The following WNK2 variants were observed in gnomAD, a reference collection of about 807,000 sequenced individuals.
The protein encoded by WNK2 is WNK lysine deficient protein kinase 2, also known as serine/threonine-protein kinase WNK2.
Under a neutral mutation model 192.1 loss-of-function variants are expected in WNK2, and 67 were observed. The ratio of observed to expected loss-of-function variants is 0.35; its 90% CI spans 0.29 to 0.43. WNK2 has a LOEUF of 0.43. Ranked by LOEUF, WNK2 falls within the 20% of genes least tolerant of loss-of-function variation. The probability of loss-of-function intolerance (pLI) is 1.00; values close to 1 mark genes in which losing one functional copy is unlikely to be tolerated. For synonymous variants in WNK2, 1,439 were observed against 1,393.9 expected, an observed-to-expected ratio of 1.03 and a Z score of -0.72; for missense variants, 2,698 against 3,089.7, an observed-to-expected ratio of 0.87 and a Z score of 3.01.
intron 16 of WNK2, among the ~76,000 whole-genome samples, chr9:93,266,071 A>G (rs186543171): frequency 6.6e-6 from 1 of 152,320 alleles, no homozygotes; most frequent in East Asian, 1.9e-4. Flanking sequence ...AATTTGGTCC[A>G]TAAAAACAGC....
intron 21 of WNK2, among the ~76,000 whole-genome samples, chr9:93,290,718 G>C (rs868251115): frequency 5.3e-5 from 8 of 152,352 alleles, no homozygotes; most frequent in South Asian, 4.2e-4. Context: ...AGTGCGGTGG[G>C]GGGGGCGCTG....
At chr9:93,294,396 A>G (rs1433525643) in intron 23 of WNK2, among the ~76,000 whole-genome samples, 1 of 152,220 alleles carries the variant, frequency 6.6e-6, no homozygotes, top group East Asian at 1.9e-4. Flanking sequence ...CATTGGCCAC[A>G]TGGCCCAACA....
chr9:93,296,716 T>C (rs1381546065), intron 23 of WNK2, among the ~76,000 whole-genome samples: 6 of 28,932 alleles, frequency 2.1e-4, no homozygotes, highest in Non-Finnish European at 3.2e-4. Flanking sequence ...CCTTCCTCCC[T>C]CTCTATCCTC....
At position 93,293,011 on chromosome 9, in the gene WNK2, G is replaced by A. The variant is rs760385070; in HGVS notation, c.5546G>A (p.Arg1849Gln). Residue 1849 changes from arginine to glutamine, a missense_variant, in exon 23 of 30, where the codon CGG becomes CAG. Arg to Gln is a conservative substitution (Grantham distance 43). Around this residue, in one of 7 missense-constraint regions of WNK2, gnomAD observed 1,098 missense variants for 1,101.0 expected, o/e 1.00. Transcript: ENST00000427277. ...KATAFLQRPS[R>Q]AGSLGPETPS... ...ACCGCCTTCCTGCAGAGGCCTTCTC[G>A]GGCCGGCTCGCTGGGCCCCGAGACA... The A allele has an allele frequency of 3.2e-5, 51 of 1,595,476 alleles. No homozygotes were observed. In the Middle Eastern group the frequency reaches 5.0e-4, roughly 16 times the overall value.
intron 2 of WNK2, among the ~76,000 whole-genome samples, chr9:93,228,797 A>C (rs1011370903): frequency 2.0e-5 from 3 of 151,764 alleles, no homozygotes; most frequent in Non-Finnish European, 2.9e-5. Context: ...TATTTGGGGG[A>C]AGGGAAGGGC....
In WNK2 at chr9:93,247,656, C is replaced by G; in HGVS notation, c.1656C>G (p.Pro552=). The G allele has an allele frequency of 6.3e-7, 1 of 1,581,832 alleles. No homozygotes were observed. Among genetic ancestry groups the G allele is most frequent in the Non-Finnish European group, 8.6e-7 (1 of 1,164,310 alleles). ...RRERIWPALQ[P]KEQQDVGSPD... is the part of the protein sequence containing the mutation. Reference sequence around the variant, plus strand: ...AGAGGATCTGGCCCGCGCTGCAGCCCAAGGAGCAGCAGGATGTGGGCAGCC... The same window carrying G: ...AGAGGATCTGGCCCGCGCTGCAGCCGAAGGAGCAGCAGGATGTGGGCAGCC... Residue 552 remains proline (P), a synonymous_variant, in exon 8 of 30, where the codon CCC becomes CCG. Coordinates refer to ENST00000427277, the MANE Select transcript of WNK2 (RefSeq NM_006648.4). This position sits in a 1 kb window ranked among gnomAD's most constrained non-coding sequence, Gnocchi z 5.2.
intron 19 of WNK2, among the ~76,000 whole-genome samples, chr9:93,280,816 T>C (rs1450647401): frequency 1.3e-5 from 2 of 152,246 alleles, no homozygotes; most frequent in East Asian, 1.9e-4. Flanking sequence ...CTGTTTTTTC[T>C]CTAACATTCT....
intron 19 of WNK2, among the ~76,000 whole-genome samples, chr9:93,287,894 C>T (rs898294249): frequency 1.3e-5 from 2 of 152,018 alleles, no homozygotes; most frequent in African/African-American, 4.8e-5. Context: ...AACCCAGTCT[C>T]ATATGAAAAA....
chr9:93,274,539 G>GA (rs1350126013), intron 19 of WNK2, among the ~76,000 whole-genome samples: 3 of 115,994 alleles, frequency 2.6e-5, no homozygotes, highest in African/African-American at 6.8e-5. Context: ...AAAAAAAAAA[G>GA]AAAAAAAACA....
chr9:93,259,386 A>G lies in WNK2; in HGVS notation c.2838A>G (p.Pro946=), dbSNP rs2132869012. The change falls in exon 12 of 30, where the codon CCA becomes CCG. Residue 946 remains proline, a synonymous_variant. Coordinates refer to ENST00000427277, the MANE Select transcript of WNK2 (RefSeq NM_006648.4). This position sits in a 1 kb window ranked among gnomAD's most constrained non-coding sequence, Gnocchi z 4.8. ...CCCCTCCACAGCCGGCACTGCCTCC[A>G]CAACCCACACTGCCCCCACAACCCG... The part of the protein sequence containing the change: ...RATPPQPALP[P]QPTLPPQPVL... 1 of 1,588,328 alleles carries G rather than the reference A, an allele frequency of 6.3e-7. No homozygotes were observed. Among genetic ancestry groups the G allele is most frequent in the Non-Finnish European group, 8.6e-7 (1 of 1,168,668 alleles).
At chr9:93,303,572 A>T (rs1851981962) in intron 26 of WNK2, among the ~76,000 whole-genome samples, 1 of 152,072 alleles carries the variant, frequency 6.6e-6, no homozygotes, top group African/African-American at 2.4e-5. Context: ...GCAGGTGTTC[A>T]GGAGGCCTCG....
intron 9 of WNK2, among the ~76,000 whole-genome samples, chr9:93,254,950 A>G (rs538960215): frequency 1.2e-4 from 19 of 152,196 alleles, no homozygotes; most frequent in Non-Finnish European, 2.5e-4. Context: ...TTCCCATGCC[A>G]TGTGATACCA....
chr9:93,299,148 C>G lies in WNK2; in HGVS notation c.6002C>G (p.Thr2001Arg). The G allele has an allele frequency of 6.2e-7, 1 of 1,611,650 alleles. No individual in the cohort carries two copies. Among genetic ancestry groups the G allele is most frequent in the Non-Finnish European group, 8.5e-7 (1 of 1,179,214 alleles). The change falls in exon 25 of 30, where the codon ACG (threonine) becomes AGG (arginine). Residue 2001 changes from threonine to arginine, a missense_variant. Thr to Arg is a moderately conservative substitution (Grantham distance 71, BLOSUM62 -1). Around this residue, in one of 7 missense-constraint regions of WNK2, gnomAD observed 1,098 missense variants for 1,101.0 expected, o/e 1.00. Coordinates refer to ENST00000427277, the MANE Select transcript of WNK2 (RefSeq NM_006648.4). ...AGTGTGGGGCTCACTGCAGACAGCA[C>G]GGGCCTGAGCGGGAAGGCAGTGCAG... is the stretch of plus-strand genomic sequence containing the variant. The part of the protein sequence containing the change: ...QASVGLTADS[T>R]GLSGKAVQTQ...
rs541949400 is a variant in WNK2, at chr9:93,284,629, G to C, written c.4034-4159G>C. Among the ~76,000 whole-genome samples the C allele has an allele frequency of 5.3e-5, 8 of 152,064 alleles. 1 individual carries two copies. In the South Asian group the frequency reaches 1.2e-3, roughly 24 times the overall value. On this transcript the variant is annotated intron_variant, in intron 19 of 29. Transcript: ENST00000427277. ...GGGGTGGGCAGGAAAGGAAGGGAAG[G>C]GGGAGAGGTAAAAAGGGAGAAAGAA...
In WNK2 at chr9:93,269,794, C is replaced by G. The variant is rs78930616; in HGVS notation, c.4033+1048C>G. 2.2e-4 allele frequency among the ~76,000 whole-genome samples: 34 copies of G among 152,224 alleles called. No individual in the cohort carries two copies. The East Asian group carries it at 6.6e-3, about 29-fold the overall frequency. On this transcript the variant is annotated intron_variant, in intron 19 of 29. Coordinates refer to ENST00000427277, the MANE Select transcript of WNK2 (RefSeq NM_006648.4). ...AAACCCTCTTTCCTTCATCTATGCACTGAGTGACCTCAGGAAACCTTTTTG... is the reference window on the plus strand; with the variant it reads ...AAACCCTCTTTCCTTCATCTATGCAGTGAGTGACCTCAGGAAACCTTTTTG...
At chr9:93,261,776 G>A (rs762551261) in intron 12 of WNK2, 38 bp from the exon 13 acceptor site, 41 of 1,556,020 alleles carry the variant, frequency 2.6e-5, no homozygotes, top group South Asian at 8.2e-5. Context: ...TGAAGGCAGC[G>A]CCGGCCCTGA....
Position 93,262,623 on chromosome 9 carries a change from C to T in WNK2, c.3361-47C>T, listed in dbSNP as rs755564273. On this transcript the variant is annotated intron_variant, in intron 13 of 29. Coordinates refer to ENST00000427277, the MANE Select transcript of WNK2 (RefSeq NM_006648.4). ...ATGCGTGGCTGTGCCCACAGGGAGG[C>T]GGGAGTCCGCATGACCTGTTCTCTT... is the stretch of plus-strand genomic sequence containing the variant. 1.1e-5 allele frequency: 18 copies of T among 1,603,040 alleles called. No homozygotes were observed. In the Admixed American group the frequency reaches 2.3e-4, roughly 21 times the overall value.
In WNK2 at chr9:93,276,031, A is replaced by G. The variant is rs150556862; in HGVS notation, c.4033+7285A>G. 2.2e-3 allele frequency among the ~76,000 whole-genome samples: 329 copies of G among 152,362 alleles called. 1 individual carries two copies. Among genetic ancestry groups the G allele is most frequent in the African/African-American group, 7.6e-3 (317 of 41,588 alleles). ...ATAGTAAAAATGTCACTTCTACCCA[A>G]ATGGATCTGTAGATGCATTGCAGTA... On this transcript the variant is annotated intron_variant, in intron 19 of 29. Transcript: ENST00000427277.
intron 2 of WNK2, among the ~76,000 whole-genome samples, chr9:93,209,489 A>G (rs1196878973): frequency 6.6e-6 from 1 of 151,972 alleles, no homozygotes; most frequent in African/African-American, 2.4e-5. Flanking sequence ...CACGTCCAAG[A>G]CCCTGGCTGA....
Sources: gnomAD v4.1 joint callset for allele counts (sites outside exome capture counted in the v4.1 genomes callset) on GRCh38, gnomAD v4.1.1 for gene constraint, gnomAD v4.1.1 regional missense constraint, Gnocchi (gnomAD v3.1) non-coding constraint, MANE v1.5 for transcripts, NCBI Gene and HGNC (gene_info 2026-07-23, HGNC 2026-07-21) for gene names.